KLHL32: variants seen among roughly 807,000 people sequenced by gnomAD.
KLHL32 encodes the protein kelch-like protein 32.
In KLHL32, 35 loss-of-function variants were observed where a neutral mutation model predicts 64.8. The ratio of observed to expected loss-of-function variants is 0.54; its 90% CI spans 0.41 to 0.72. The LOEUF is 0.72. KLHL32 is among the 30% of genes least tolerant of loss of function. The pLI is 0.00. For synonymous variants in KLHL32, 259 were observed against 281.0 expected (o/e 0.92, Z 0.78); for missense variants, 589 against 768.5 (o/e 0.77, Z 2.76).
chr6:97,119,783 T>C (rs11969411), intron 7 of KLHL32, among the ~76,000 whole-genome samples: 13,964 of 152,260 alleles, frequency 0.092, 1,233 homozygotes, highest in African/African-American at 0.23. Flanking sequence ...TGTTTTTAGT[T>C]GTTCACATAT....
At chr6:96,987,834 C>A (rs897063582) in intron 3 of KLHL32, among the ~76,000 whole-genome samples, 66 of 152,050 alleles carry the variant, frequency 4.3e-4, no homozygotes, top group Admixed American at 5.9e-4. Context: ...ACAAACCTGA[C>A]AAAAACAAGA....
intron 1 of KLHL32, among the ~76,000 whole-genome samples, chr6:96,946,941 C>T (rs2128005296): frequency 6.6e-6 from 1 of 151,952 alleles, no homozygotes; most frequent in Non-Finnish European, 1.5e-5. Flanking sequence ...GTTCTATATA[C>T]TTATTAACAG....
At chr6:97,050,278 C>T (rs1479413297) in intron 4 of KLHL32, among the ~76,000 whole-genome samples, 1 of 152,118 alleles carries the variant, frequency 6.6e-6, no homozygotes, top group Non-Finnish European at 1.5e-5. Context: ...GCGCAACCCC[C>T]CAACCCAAAA....
Position 97,136,870 on chromosome 6 carries a change from A to T in KLHL32, c.1702-2251A>T, listed in dbSNP as rs887606967. Among the ~76,000 whole-genome samples, 17 of 152,186 alleles carry T rather than the reference A, an allele frequency of 1.1e-4. 1 individual carries two copies. The highest frequency in any genetic ancestry group is 1.1e-3 in the Admixed American group (17 of 15,282). On this transcript the variant is annotated intron_variant, in intron 10 of 10. Coordinates refer to ENST00000369261, the MANE Select transcript of KLHL32 (RefSeq NM_052904.4). ...CCAGACAAAAGCTCTCTGGATGATT[A>T]TCTCATTAGTATTTTGCCTTCTAAA...
intron 4 of KLHL32, 76 bp from the exon 5 acceptor site, chr6:97,064,552 G>A (rs1322185934): frequency 3.0e-5 from 29 of 956,348 alleles, no homozygotes; most frequent in Non-Finnish European, 4.4e-5. Flanking sequence ...AATATACTAT[G>A]GTATATCTAC....
In KLHL32 at chr6:96,991,437, A is replaced by G. The variant is rs148428629; in HGVS notation, c.204+15260A>G. On this transcript the variant is annotated intron_variant, in intron 3 of 10. Transcript: ENST00000369261. ...AACCAGGCCCTTTGTTCCTTCCCCA[A>G]TGCAGTAAGGGTGGTACCCATCGCA... Among the ~76,000 whole-genome samples the G allele has an allele frequency of 1.4e-3, 206 of 152,086 alleles. 1 individual carries two copies. Among genetic ancestry groups the G allele is most frequent in the East Asian group, 0.01 (53 of 5,156 alleles).
chr6:96,913,999 A>G, the KLHL32 span, among the ~76,000 whole-genome samples: 1 of 152,216 alleles, frequency 6.6e-6, no homozygotes, highest in South Asian at 2.1e-4. Context: ...ACGTAATGAG[A>G]ACCGTCCTTA....
At chr6:97,097,677 T>C (rs1432033950) in intron 6 of KLHL32, among the ~76,000 whole-genome samples, 2 of 152,020 alleles carry the variant, frequency 1.3e-5, no homozygotes, top group African/African-American at 4.8e-5. Flanking sequence ...GCACAACACA[T>C]CTAGAAGAGC....
intron 6 of KLHL32, among the ~76,000 whole-genome samples, chr6:97,096,620 AT>A (rs1421162162): frequency 1.3e-5 from 2 of 152,184 alleles, no homozygotes; most frequent in Non-Finnish European, 2.9e-5. Context: ...TTCCCCAGAT[AT>A]TCTTTTTGAT....
At chr6:97,128,484 C>T (rs1799100123) in intron 8 of KLHL32, among the ~76,000 whole-genome samples, 1 of 152,218 alleles carries the variant, frequency 6.6e-6, no homozygotes, top group East Asian at 1.9e-4. Context: ...TTTGTACACA[C>T]ATGCTCTTTT....
chr6:97,079,584 T>C (rs1792162847), intron 5 of KLHL32, among the ~76,000 whole-genome samples: 1 of 152,108 alleles, frequency 6.6e-6, no homozygotes, highest in Non-Finnish European at 1.5e-5. Context: ...TTGGGGAATA[T>C]ATAAAGTTTA....
intron 6 of KLHL32, among the ~76,000 whole-genome samples, chr6:97,106,345 C>A (rs77650929): frequency 0.051 from 7,712 of 152,130 alleles, 676 homozygotes; most frequent in African/African-American, 0.18. Flanking sequence ...TGTAGAGTAG[C>A]AATCAGTAGG....
chr6:96,938,192 C>A (rs1287989636), intron 1 of KLHL32, among the ~76,000 whole-genome samples: 1 of 152,168 alleles, frequency 6.6e-6, no homozygotes, highest in Non-Finnish European at 1.5e-5. Flanking sequence ...CATCACAGCT[C>A]CAAATTTGCT....
At position 97,064,559 on chromosome 6, in the gene KLHL32, C is replaced by G. The variant is rs1789412190; in HGVS notation, c.313-69C>G. The G allele has an allele frequency of 6.7e-6, 7 of 1,045,572 alleles. No individual in the cohort carries two copies. In the Middle Eastern group the frequency reaches 8.9e-4, roughly 133 times the overall value. 64.8% of individuals were successfully genotyped at this position (1,045,572 alleles called of 1,614,324 possible). ...GCAATTTAAATATACTATGGTATAT[C>G]TACATATTAAGCAGCATTATATTTT... On this transcript the variant is annotated intron_variant, in intron 4 of 10. Transcript: ENST00000369261.
intron 3 of KLHL32, among the ~76,000 whole-genome samples, chr6:97,032,629 G>C (rs1199308620): frequency 6.6e-6 from 1 of 152,028 alleles, no homozygotes; most frequent in Non-Finnish European, 1.5e-5. Context: ...TGTATATACG[G>C]GATTGGTGGC....
At chr6:96,921,264 T>A (rs775072638), upstream of KLHL32, among the ~76,000 whole-genome samples, 1 of 152,256 alleles carries the variant, frequency 6.6e-6, no homozygotes, top group Non-Finnish European at 1.5e-5. Flanking sequence ...TAGTTGATTA[T>A]GTTGAATTAG....
intron 6 of KLHL32, among the ~76,000 whole-genome samples, chr6:97,105,844 A>G (rs745487543): frequency 7.2e-5 from 11 of 152,284 alleles, no homozygotes; most frequent in African/African-American, 2.4e-4. Context: ...AGATTTGATC[A>G]CTCATCTGAT....
intron 4 of KLHL32, among the ~76,000 whole-genome samples, chr6:97,056,254 C>T (rs546973310): frequency 7.2e-5 from 11 of 151,864 alleles, no homozygotes; most frequent in Admixed American, 4.6e-4. Flanking sequence ...TACAGGCGCC[C>T]GCCACCACGC....
At chr6:96,942,524 A>G (rs1222405897) in intron 1 of KLHL32, among the ~76,000 whole-genome samples, 1 of 152,024 alleles carries the variant, frequency 6.6e-6, no homozygotes, top group Non-Finnish European at 1.5e-5. Context: ...GTGTTTTCTT[A>G]ATTTGAAAGT....
Sources: allele counts gnomAD v4.1 joint callset (sites outside exome capture counted in the v4.1 genomes callset), GRCh38; gene constraint gnomAD v4.1.1; transcripts MANE v1.5; gene names NCBI Gene and HGNC (gene_info 2026-07-23, HGNC 2026-07-21).